Variants in ZNF366 observed in about 807,000 individuals in gnomAD.
The protein encoded by ZNF366 is dendritic cell-specific transcript protein.
A neutral mutation model predicts 47.2 loss-of-function variants in ZNF366; 20 were observed. The observed-to-expected ratio is 0.42, with a 90% confidence interval of 0.30 to 0.62. ZNF366 has a LOEUF of 0.62. Ranked by LOEUF, ZNF366 falls within the 20% of genes least tolerant of loss-of-function variation. The pLI is 0.16. For missense variants in ZNF366, 987 were observed against 976.3 expected (o/e 1.01, Z -0.15); for synonymous variants, 421 against 395.1 (o/e 1.07, Z -0.78).
At chr5:72,477,671 A>G (rs913830956) in intron 1 of ZNF366, among the ~76,000 whole-genome samples, 3 of 152,192 alleles carry the variant, frequency 2.0e-5, no homozygotes, top group Admixed American at 6.5e-5. Flanking sequence ...TTTATAGGTA[A>G]GGAATTTGAG....
intron 3 of ZNF366, among the ~76,000 whole-genome samples, chr5:72,448,705 G>C (rs1054744276): frequency 6.6e-6 from 1 of 152,070 alleles, no homozygotes; most frequent in Non-Finnish European, 1.5e-5. Flanking sequence ...TATATTTTTA[G>C]GGCCAATGCT....
In ZNF366 at chr5:72,442,539, C is replaced by A. The variant is rs2112310826; in HGVS notation, c.*1217G>T. On this transcript the variant is annotated 3_prime_UTR_variant, in exon 5 of 5. Transcript: ENST00000318442. ...TTTGCTGTCAACTATTCTAGTACCC[C>A]AAATAAGTCAGAGCTTAGATTTCTG... 6.6e-6 allele frequency: 1 copy of A among 152,174 alleles called. No individual in the cohort carries two copies. The highest frequency in any genetic ancestry group is 2.1e-4 in the South Asian group (1 of 4,810). The allele number at this position is 152,174 out of a possible 1,614,324, so 9.4% of individuals were successfully genotyped here.
chr5:72,440,845 C>T lies in ZNF366; in HGVS notation c.*2911G>A, dbSNP rs1262538830. 6.6e-6 allele frequency: 1 copy of T among 152,170 alleles called. No individual in the cohort carries two copies. The highest frequency in any genetic ancestry group is 1.5e-5 in the Non-Finnish European group (1 of 68,024). 9.4% of individuals were successfully genotyped at this position (152,170 alleles called of 1,614,324 possible). On this transcript the variant is annotated 3_prime_UTR_variant, in exon 5 of 5. Transcript: ENST00000318442. ...CTCAGGTTAATGCTGTATTAACCAT[C>T]AGGTTAGATCTAATTAAGTGTCTTA...
intron 1 of ZNF366, among the ~76,000 whole-genome samples, chr5:72,466,547 G>A (rs1019051225): frequency 2.6e-5 from 4 of 152,196 alleles, no homozygotes; most frequent in Non-Finnish European, 5.9e-5. Context: ...TTGCTAAACT[G>A]TGAAGACAGG....
chr5:72,489,249 A>G (rs1743958323), intron 1 of ZNF366, among the ~76,000 whole-genome samples: 1 of 151,614 alleles, frequency 6.6e-6, no homozygotes. Flanking sequence ...ATAGTCCACA[A>G]TTTCATATTA....
chr5:72,470,624 A>C (rs746693782), intron 1 of ZNF366, among the ~76,000 whole-genome samples: 1 of 152,182 alleles, frequency 6.6e-6, no homozygotes, highest in Non-Finnish European at 1.5e-5. Context: ...CATGGTTCAA[A>C]TCCAATCATT....
intron 1 of ZNF366, among the ~76,000 whole-genome samples, chr5:72,468,387 T>G (rs1441781752): frequency 1.3e-5 from 2 of 152,196 alleles, no homozygotes; most frequent in Admixed American, 1.3e-4. Flanking sequence ...TGTCAGCCCA[T>G]GATGTGGACC....
intron 1 of ZNF366, among the ~76,000 whole-genome samples, chr5:72,506,831 C>A (rs1279187501): frequency 6.6e-6 from 1 of 152,144 alleles, no homozygotes; most frequent in Non-Finnish European, 1.5e-5. Flanking sequence ...AGAAGGGCAC[C>A]TCAATCCAGG....
intron 1 of ZNF366, among the ~76,000 whole-genome samples, chr5:72,475,049 C>G (rs570049408): frequency 7.2e-5 from 11 of 152,298 alleles, no homozygotes; most frequent in African/African-American, 2.4e-4. Flanking sequence ...TTTATAAAAG[C>G]CTATGAGGTG....
At position 72,443,926 on chromosome 5, in the gene ZNF366, G is replaced by C; in HGVS notation, c.2065C>G (p.Gln689Glu). Residue 689 changes from glutamine to glutamate, a missense_variant, in exon 5 of 5, where the codon CAG becomes GAG. Gln to Glu is a conservative substitution (Grantham distance 29). Coordinates refer to ENST00000318442, the MANE Select transcript of ZNF366 (RefSeq NM_152625.3). ...TCTCTGCCGGCACAGTCTCTCTCCTGGCCGCCCTCTGCCCCAAGGTCACCC... is the reference window on the plus strand; with the variant it reads ...TCTCTGCCGGCACAGTCTCTCTCCTCGCCGCCCTCTGCCCCAAGGTCACCC... ...SKGDLGAEGG[Q>E]ERDCAGRDEC... The C allele has an allele frequency of 1.9e-6, 3 of 1,614,172 alleles. No homozygotes were observed. Among genetic ancestry groups the C allele is most frequent in the South Asian group, 1.1e-5 (1 of 91,084 alleles).
At chr5:72,488,401 A>G (rs549665781) in intron 1 of ZNF366, among the ~76,000 whole-genome samples, 35 of 152,264 alleles carry the variant, frequency 2.3e-4, no homozygotes, top group Non-Finnish European at 4.1e-4. Flanking sequence ...ATTTGGGAAC[A>G]TCCCTTTCCC....
At chr5:72,467,815 C>T (rs767157741) in intron 1 of ZNF366, among the ~76,000 whole-genome samples, 1 of 152,038 alleles carries the variant, frequency 6.6e-6, no homozygotes, top group Non-Finnish European at 1.5e-5. Flanking sequence ...TGGCAGTTTA[C>T]TTATGTGATG....
At chr5:72,483,320 A>G (rs1249256241) in intron 1 of ZNF366, among the ~76,000 whole-genome samples, 1 of 152,168 alleles carries the variant, frequency 6.6e-6, no homozygotes, top group Non-Finnish European at 1.5e-5. Context: ...GAGACAAGAA[A>G]GCTCACACTG....
In ZNF366 at chr5:72,444,271, C is replaced by A. The variant is rs148129425; in HGVS notation, c.1720G>T (p.Ala574Ser). 4 of 1,611,270 alleles carry A rather than the reference C, an allele frequency of 2.5e-6. No homozygotes were observed. The highest frequency in any genetic ancestry group is 1.7e-5 in the Admixed American group (1 of 59,902). Reference protein sequence around the residue: ...HSQGLGRGRIALAQTAGVLRS... With the variant: ...HSQGLGRGRISLAQTAGVLRS... ...AGGACACCGGCTGTCTGTGCCAGGG[C>A]GATTCTCCCCCTTCCCAGACCTGCA... Residue 574 changes from alanine (A) to serine (S), a missense_variant, in exon 5 of 5, where the codon GCC (alanine) becomes TCC (serine). Physicochemically the swap from Ala to Ser is moderately conservative, Grantham distance 99. Transcript: ENST00000318442.
intron 1 of ZNF366, among the ~76,000 whole-genome samples, chr5:72,474,070 T>C (rs1743622469): frequency 6.6e-6 from 1 of 152,224 alleles, no homozygotes; most frequent in Non-Finnish European, 1.5e-5. Context: ...GTGGAGAAAT[T>C]TGCAGCAGCA....
intron 1 of ZNF366, among the ~76,000 whole-genome samples, chr5:72,482,473 T>C (rs1222838344): frequency 6.6e-6 from 1 of 152,176 alleles, no homozygotes; most frequent in East Asian, 1.9e-4. Flanking sequence ...GCTTCTCTGA[T>C]TTAGGTAGCA....
Position 72,443,614 on chromosome 5 carries a change from C to T in ZNF366, c.*142G>A. On this transcript the variant is annotated 3_prime_UTR_variant, in exon 5 of 5. Transcript: ENST00000318442. Reference sequence around the variant, plus strand: ...AATGACCTGAGAAGGCTTTCCATTACCTACATCCCTGCTCATTTAGTCTAA... The same window carrying T: ...AATGACCTGAGAAGGCTTTCCATTATCTACATCCCTGCTCATTTAGTCTAA... The T allele has an allele frequency of 1.1e-6, 1 of 917,836 alleles. No homozygotes were observed. The highest frequency in any genetic ancestry group is 1.6e-6 in the Non-Finnish European group (1 of 625,680). The allele number at this position is 917,836 out of a possible 1,614,324, so 56.9% of individuals were successfully genotyped here.
chr5:72,504,071 GCA>G (rs1428544769), intron 1 of ZNF366, among the ~76,000 whole-genome samples: 1 of 151,636 alleles, frequency 6.6e-6, no homozygotes, highest in Admixed American at 6.6e-5. Flanking sequence ...ACACACGCAC[GCA>G]CACACACATG....
At chr5:72,498,080 T>C (rs1320919218) in intron 1 of ZNF366, among the ~76,000 whole-genome samples, 3 of 152,088 alleles carry the variant, frequency 2.0e-5, no homozygotes, top group Admixed American at 6.5e-5. Context: ...GCATGATAAA[T>C]GTTAAGGCCT....
Sources: gnomAD v4.1 joint callset for allele counts (sites outside exome capture counted in the v4.1 genomes callset) on GRCh38, gnomAD v4.1.1 for gene constraint, MANE v1.5 for transcripts, NCBI Gene and HGNC (gene_info 2026-07-23, HGNC 2026-07-21) for gene names.